Variants in HACE1 observed in about 807,000 individuals in gnomAD.
HACE1 encodes E3 ubiquitin-protein ligase HACE1.
HACE1 carries 73 observed loss-of-function variants against 118.4 expected under a neutral mutation model. That is an observed-to-expected ratio of 0.62 (90% CI 0.51 to 0.75). The LOEUF (loss-of-function observed/expected upper bound fraction) is 0.75. Ranked by LOEUF, HACE1 falls within the 30% of genes least tolerant of loss-of-function variation. The pLI is 0.00. For missense variants in HACE1, 749 were observed against 1,102.2 expected, an observed-to-expected ratio of 0.68 and a Z score of 4.54; for synonymous variants, 368 against 374.8, an observed-to-expected ratio of 0.98 and a Z score of 0.21.
At chr6:104,790,243 T>A (rs1338170151) in intron 11 of HACE1, among the ~76,000 whole-genome samples, 1 of 152,118 alleles carries the variant, frequency 6.6e-6, no homozygotes, top group African/African-American at 2.4e-5. Flanking sequence ...ATTAATCTAC[T>A]AGTGTCAAAG....
chr6:104,836,523 G>A (rs992765822), intron 5 of HACE1, among the ~76,000 whole-genome samples: 52 of 152,106 alleles, frequency 3.4e-4, no homozygotes, highest in Non-Finnish European at 6.6e-4. Flanking sequence ...GACCAGCCTG[G>A]CCAACAAGGT....
intron 19 of HACE1, among the ~76,000 whole-genome samples, chr6:104,763,611 A>C (rs1227058779): frequency 6.6e-6 from 1 of 151,978 alleles, no homozygotes; most frequent in Non-Finnish European, 1.5e-5. Context: ...AAAAAGGGGC[A>C]TACCATTAAT....
intron 19 of HACE1, among the ~76,000 whole-genome samples, chr6:104,757,953 G>A (rs1778904478): frequency 6.6e-6 from 1 of 152,078 alleles, no homozygotes; most frequent in Admixed American, 6.6e-5. Context: ...GTCAATGACT[G>A]AAGATCAAAT....
chr6:104,784,440 T>G lies in HACE1; in HGVS notation c.1455A>C (p.Glu485Asp), dbSNP rs746263100. 29 of 1,612,368 alleles carry G rather than the reference T, an allele frequency of 1.8e-5. No individual in the cohort carries two copies. Among genetic ancestry groups the G allele is most frequent in the Non-Finnish European group, 2.2e-5 (26 of 1,178,590 alleles). ...ACCTATTAACAAAGCATTTTAAAACTTCATCATGTTTGCAGACAAATTCAA... is the reference window on the plus strand; with the variant it reads ...ACCTATTAACAAAGCATTTTAAAACGTCATCATGTTTGCAGACAAATTCAA... ...RFIEFVCKHD[E>D]VLKCFVNRNP... Residue 485 changes from glutamate to aspartate, a missense_variant, in exon 13 of 24, where the codon GAA becomes GAC. Glu to Asp is a conservative substitution (Grantham distance 45). Coordinates refer to ENST00000262903, the MANE Select transcript of HACE1 (RefSeq NM_020771.4).
At chr6:104,832,572 T>A (rs1305814691) in intron 6 of HACE1, among the ~76,000 whole-genome samples, 1 of 152,096 alleles carries the variant, frequency 6.6e-6, no homozygotes, top group Non-Finnish European at 1.5e-5. Context: ...TTTTTTTGTA[T>A]TTTTAGTAGA....
At chr6:104,844,300 G>C (rs1775415076) in intron 4 of HACE1, among the ~76,000 whole-genome samples, 1 of 151,362 alleles carries the variant, frequency 6.6e-6, no homozygotes, top group South Asian at 2.1e-4. Context: ...CTCCCAAAGT[G>C]CAGGGATTAC....
chr6:104,756,051 A>G (rs1001946902), intron 19 of HACE1, among the ~76,000 whole-genome samples: 20 of 152,126 alleles, frequency 1.3e-4, no homozygotes, highest in African/African-American at 4.8e-4. Context: ...CTAATGAAGA[A>G]AAGTGAGAAG....
chr6:104,811,537 T>C (rs1348868809), intron 6 of HACE1, 144 bp from the exon 7 acceptor site: 2 of 574,222 alleles, frequency 3.5e-6, no homozygotes, highest in Non-Finnish European at 3.3e-6. Context: ...ACAATTACTA[T>C]GGCTGAGCAA....
chr6:104,849,224 C>T lies in HACE1; in HGVS notation c.244G>A (p.Val82Ile), dbSNP rs367650414. ...AANCGSVECLVLLLKKGANPN... is the reference protein window; with the variant it reads ...AANCGSVECLILLLKKGANPN... ...TTTGCTCCTTTCTTTAACAGCAAAA[C>T]CAAGCATTCCACCGATCCACAACTA... Residue 82 changes from valine (V) to isoleucine (I), a missense_variant, in exon 4 of 24, where the codon GTT (valine) becomes ATT (isoleucine). This residue lies in a region of HACE1 where 120 missense variants were observed against 219.1 expected (regional missense o/e 0.55). Coordinates refer to ENST00000262903, the MANE Select transcript of HACE1 (RefSeq NM_020771.4). 11 of 1,604,342 alleles carry T rather than the reference C, an allele frequency of 6.9e-6. No individual in the cohort carries two copies. Among genetic ancestry groups the T allele is most frequent in the Non-Finnish European group, 9.4e-6 (11 of 1,171,162 alleles).
rs371140317 is a variant in HACE1, at chr6:104,796,968, T to C, written c.675A>G (p.Pro225=). The C allele has an allele frequency of 2.5e-6, 4 of 1,603,816 alleles. No homozygotes were observed. The highest frequency in any genetic ancestry group is 1.3e-5 in the African/African-American group (1 of 74,706). Residue 225 remains proline (P), a synonymous_variant, in exon 8 of 24, where the codon CCA becomes CCG. Transcript: ENST00000262903. ...CCAGAGGAGTTACTCCATTTTTATC[T>C]GGCAGATATTTGGCTCCTCGTAATA... The part of the protein sequence containing the change: ...ILLLRGAKYL[P]DKNGVTPLDL...
At chr6:104,752,335 A>G (rs1311278737) in intron 19 of HACE1, among the ~76,000 whole-genome samples, 1 of 152,236 alleles carries the variant, frequency 6.6e-6, no homozygotes, top group South Asian at 2.1e-4. Flanking sequence ...GGGAAATAAC[A>G]TATATAAAAT....
At chr6:104,759,057 C>A (rs2114628902) in intron 19 of HACE1, among the ~76,000 whole-genome samples, 1 of 152,226 alleles carries the variant, frequency 6.6e-6, no homozygotes, top group Admixed American at 6.5e-5. Context: ...TAAAGCAAGT[C>A]CTTAGAGATC....
intron 22 of HACE1, among the ~76,000 whole-genome samples, chr6:104,733,357 C>T (rs535341375): frequency 9.2e-5 from 14 of 152,170 alleles, no homozygotes; most frequent in African/African-American, 3.4e-4. Context: ...ATTCCTGAAA[C>T]CTTATTCTTT....
rs1437536818 is a variant in HACE1 at position 104,784,496 on chromosome 6, A to T, written c.1410-11T>A. The T allele has an allele frequency of 1.3e-6, 2 of 1,594,022 alleles. No homozygotes were observed. Among genetic ancestry groups the T allele is most frequent in the East Asian group, 4.5e-5 (2 of 44,684 alleles). On this transcript the variant is annotated splice_polypyrimidine_tract_variant and intron_variant, in intron 12 of 23. Coordinates refer to ENST00000262903, the MANE Select transcript of HACE1 (RefSeq NM_020771.4). Reference sequence around the variant, plus strand: ...CGAGGTGAAGTCATTCTGTGGGGGGAAAACATCAATCAGAATACACAGGCA... The same window carrying T: ...CGAGGTGAAGTCATTCTGTGGGGGGTAAACATCAATCAGAATACACAGGCA...
rs983632273 is a variant in HACE1 at position 104,826,745 on chromosome 6, T to C, written c.534+6297A>G. ...AATTTTAAGAGCTACGCTACATTTA[T>C]ACATAATTTTAAGAGCTATATGCCT... is the stretch of plus-strand genomic sequence containing the variant. On this transcript the variant is annotated intron_variant, in intron 6 of 23. Transcript: ENST00000262903. 3.3e-5 allele frequency among the ~76,000 whole-genome samples: 5 copies of C among 152,340 alleles called. No homozygotes were observed. The Middle Eastern group carries it at 0.01, about 311-fold the overall frequency.
At chr6:104,740,138 T>C (rs1442654778) in intron 22 of HACE1, among the ~76,000 whole-genome samples, 2 of 147,774 alleles carry the variant, frequency 1.4e-5, no homozygotes, top group Admixed American at 6.7e-5. Flanking sequence ...CGACACAACA[T>C]ACCAGAATCT....
At chr6:104,844,310 C>G (rs10085220) in intron 4 of HACE1, among the ~76,000 whole-genome samples, 4,764 of 151,068 alleles carry the variant, frequency 0.032, 238 homozygotes, top group African/African-American at 0.11. Context: ...GCAGGGATTA[C>G]AGGCGTGAGT....
At chr6:104,765,036 C>T (rs1779828298) in intron 19 of HACE1, among the ~76,000 whole-genome samples, 1 of 152,182 alleles carries the variant, frequency 6.6e-6, no homozygotes, top group Admixed American at 6.5e-5. Context: ...GCAGTCTATG[C>T]AACAAAGTGT....
At chr6:104,808,070 C>G (rs1771211821) in intron 7 of HACE1, among the ~76,000 whole-genome samples, 1 of 151,904 alleles carries the variant, frequency 6.6e-6, no homozygotes, top group Admixed American at 6.6e-5. Flanking sequence ...CCTGTAATGC[C>G]AGCTACTCGG....
Sources: gnomAD v4.1 joint callset for allele counts (sites outside exome capture counted in the v4.1 genomes callset) on GRCh38, gnomAD v4.1.1 for gene constraint, gnomAD v4.1.1 regional missense constraint, MANE v1.5 for transcripts, NCBI Gene and HGNC (gene_info 2026-07-23, HGNC 2026-07-21) for gene names.